Variants in ITPR1 observed in about 807,000 individuals in gnomAD.
ITPR1 encodes the protein inositol 1,4,5-trisphosphate receptor type 1.
A neutral mutation model predicts 318.4 loss-of-function variants in ITPR1; 96 were observed. That is an observed-to-expected ratio of 0.30 (90% CI 0.26 to 0.36). ITPR1 has a LOEUF of 0.36. ITPR1 is among the 10% of genes least tolerant of loss of function. ITPR1 has a pLI of 1.00. For missense variants in ITPR1, 2,440 were observed against 3,460.2 expected (o/e 0.71, Z 7.40); for synonymous variants, 1,312 against 1,289.9 (o/e 1.02, Z -0.37).
At chr3:4,685,972 T>G (rs1462419169) in intron 30 of ITPR1, among the ~76,000 whole-genome samples, 1 of 152,206 alleles carries the variant, frequency 6.6e-6, no homozygotes, top group Non-Finnish European at 1.5e-5. Context: ...AGAGACTGAT[T>G]TGCTAGAGAA....
intron 60 of ITPR1, among the ~76,000 whole-genome samples, chr3:4,822,772 C>T (rs1289405383): frequency 6.6e-6 from 1 of 152,122 alleles, no homozygotes; most frequent in Non-Finnish European, 1.5e-5. Context: ...TAACTCACAG[C>T]GCCGCTCATT....
chr3:4,795,329 G>A, intron 53 of ITPR1, 142 bp downstream of exon 53: 2 of 673,832 alleles, frequency 3.0e-6, no homozygotes, highest in East Asian at 3.2e-5. Context: ...GATTGTAGCT[G>A]TTACCATAGA....
chr3:4,518,089 T>C (rs1465152176), intron 3 of ITPR1, among the ~76,000 whole-genome samples: 5 of 152,224 alleles, frequency 3.3e-5, no homozygotes, highest in African/African-American at 1.2e-4. Flanking sequence ...ACTCCAAGGC[T>C]AGGGCTGCCA....
chr3:4,837,190 C>CA (rs34043617), intron 61 of ITPR1, among the ~76,000 whole-genome samples: 5 of 151,288 alleles, frequency 3.3e-5, no homozygotes, highest in Non-Finnish European at 7.4e-5. Flanking sequence ...AAAACAAAAC[C>CA]AAAAAAAAGG....
intron 4 of ITPR1, among the ~76,000 whole-genome samples, chr3:4,595,531 G>A (rs1448303671): frequency 1.3e-5 from 2 of 152,198 alleles, no homozygotes; most frequent in African/African-American, 2.4e-5. Flanking sequence ...GGGTGGAGGT[G>A]CAGATCCAAA....
chr3:4,501,533 C>T (rs933697687), intron 2 of ITPR1, among the ~76,000 whole-genome samples: 6 of 152,232 alleles, frequency 3.9e-5, no homozygotes, highest in African/African-American at 1.4e-4. Flanking sequence ...TTGGAGGATG[C>T]CTGTCCCTGT....
intron 4 of ITPR1, among the ~76,000 whole-genome samples, chr3:4,564,187 C>T (rs1015247424): frequency 1.2e-4 from 19 of 152,094 alleles, no homozygotes; most frequent in Non-Finnish European, 2.2e-4. Context: ...CTGATCCACC[C>T]GCCTCGGCCT....
intron 30 of ITPR1, among the ~76,000 whole-genome samples, chr3:4,686,132 C>T (rs2094390124): frequency 6.6e-6 from 1 of 152,164 alleles, no homozygotes; most frequent in Non-Finnish European, 1.5e-5. Context: ...GATGAGAGAG[C>T]TGCAGCGGGA....
intron 4 of ITPR1, among the ~76,000 whole-genome samples, chr3:4,610,866 C>A (rs1401511670): frequency 6.8e-6 from 1 of 146,342 alleles, no homozygotes; most frequent in Non-Finnish European, 1.5e-5. Context: ...GTTCCCTTTC[C>A]CTTTCCTTTC....
At chr3:4,800,735 G>A in intron 54 of ITPR1, 135 bp downstream of exon 54, 1 of 890,012 alleles carries the variant, frequency 1.1e-6, no homozygotes, top group Non-Finnish European at 1.7e-6. Flanking sequence ...TAAATAGCCA[G>A]AAGCAGGGGA....
chr3:4,736,198 C>A (rs2043258599), intron 44 of ITPR1, among the ~76,000 whole-genome samples: 1 of 151,930 alleles, frequency 6.6e-6, no homozygotes, highest in Admixed American at 6.6e-5. Context: ...TACACACACA[C>A]ATATGTTTTG....
intron 5 of ITPR1, among the ~76,000 whole-genome samples, chr3:4,637,422 G>A (rs1440982458): frequency 6.6e-6 from 1 of 152,224 alleles, no homozygotes; most frequent in African/African-American, 2.4e-5. Flanking sequence ...GGGAGAACAA[G>A]AGGTGGGAGG....
intron 4 of ITPR1, among the ~76,000 whole-genome samples, chr3:4,622,598 A>G (rs1011400140): frequency 6.6e-6 from 1 of 151,476 alleles, no homozygotes; most frequent in Non-Finnish European, 1.5e-5. Flanking sequence ...TAATTTTTGT[A>G]TTTTTAGTAG....
intron 5 of ITPR1, among the ~76,000 whole-genome samples, chr3:4,636,075 G>A (rs1559584432): frequency 6.6e-6 from 1 of 151,430 alleles, no homozygotes; most frequent in Non-Finnish European, 1.5e-5. Context: ...GGTCAGGCTG[G>A]TCTCGAACTC....
chr3:4,730,388 TG>T (rs1403723104), intron 42 of ITPR1, among the ~76,000 whole-genome samples: 1 of 139,512 alleles, frequency 7.2e-6, no homozygotes, highest in African/African-American at 2.6e-5. Flanking sequence ...TGTGTGTGTG[TG>T]TGTGTGTGTG....
chr3:4,717,361 T>C lies in ITPR1; in HGVS notation c.5104-6T>C. On this transcript the variant is annotated splice_polypyrimidine_tract_variant and splice_region_variant and intron_variant, in intron 39 of 61. Transcript: ENST00000649015. Reference sequence around the variant, plus strand: ...TTCTCTCTCTCTCCCCTTTTTTCTTTTCCAGCTAATTTCCATTGATGAATT... The same window carrying C: ...TTCTCTCTCTCTCCCCTTTTTTCTTCTCCAGCTAATTTCCATTGATGAATT... The C allele has an allele frequency of 1.3e-6, 2 of 1,594,380 alleles. No individual in the cohort carries two copies. Among genetic ancestry groups the C allele is most frequent in the Non-Finnish European group, 1.7e-6 (2 of 1,175,294 alleles).
intron 4 of ITPR1, among the ~76,000 whole-genome samples, chr3:4,524,554 C>A (rs1332507634): frequency 2.6e-5 from 4 of 152,066 alleles, no homozygotes; most frequent in East Asian, 1.9e-4. Context: ...ATGATGGAGT[C>A]TTTATCTGAG....
intron 25 of ITPR1, 80 bp downstream of exon 25, chr3:4,680,771 T>A: frequency 7.8e-7 from 1 of 1,282,326 alleles, no homozygotes; most frequent in Non-Finnish European, 1.1e-6. Context: ...CAGTATCTTC[T>A]AGAAAAAGGG....
chr3:4,666,489 A>G (rs2093948571), intron 17 of ITPR1, among the ~76,000 whole-genome samples: 1 of 152,022 alleles, frequency 6.6e-6, no homozygotes, highest in Admixed American at 6.6e-5. Context: ...CAAACTAGTT[A>G]CTCTTGGAAT....
Sources: gnomAD v4.1 joint callset for allele counts (sites outside exome capture counted in the v4.1 genomes callset) on GRCh38, gnomAD v4.1.1 for gene constraint, MANE v1.5 for transcripts, NCBI Gene and HGNC (gene_info 2026-07-23, HGNC 2026-07-21) for gene names.